Variants in VMP1 observed in about 807,000 individuals in gnomAD.
The protein encoded by VMP1 is vacuole membrane protein 1, also known as ectopic P-granules autophagy protein 3 homolog.
A neutral mutation model predicts 56.0 loss-of-function variants in VMP1; 11 were observed. That is an observed-to-expected ratio of 0.20 (90% CI 0.12 to 0.32). The LOEUF is 0.32. Ranked by LOEUF, VMP1 falls within the 10% of genes least tolerant of loss-of-function variation. The pLI, the probability that VMP1 is intolerant of heterozygous loss-of-function variation, is 1.00. For synonymous variants in VMP1, 149 were observed against 165.0 expected (o/e 0.90, Z 0.74); for missense variants, 296 against 490.3 (o/e 0.60, Z 3.74).
chr17:59,744,019 G>C (rs1453067770), intron 5 of VMP1, among the ~76,000 whole-genome samples: 2 of 151,730 alleles, frequency 1.3e-5, no homozygotes, highest in Non-Finnish European at 2.9e-5. Flanking sequence ...TATGATGTTA[G>C]CTGTAGGTTT....
At chr17:59,788,251 G>A (rs2037077154) in intron 7 of VMP1, among the ~76,000 whole-genome samples, 1 of 152,118 alleles carries the variant, frequency 6.6e-6, no homozygotes, top group East Asian at 1.9e-4. Context: ...CACTTTGGGA[G>A]GCTGAGGGGG....
At chr17:59,719,528 T>C (rs777477944) in intron 1 of VMP1, among the ~76,000 whole-genome samples, 1 of 152,114 alleles carries the variant, frequency 6.6e-6, no homozygotes, top group Non-Finnish European at 1.5e-5. Context: ...TATTTTGGGA[T>C]GATGTTGCCA....
intron 7 of VMP1, among the ~76,000 whole-genome samples, chr17:59,775,210 C>A (rs1047701916): frequency 2.0e-5 from 3 of 152,174 alleles, no homozygotes; most frequent in African/African-American, 7.2e-5. Flanking sequence ...TCCCAAAGTG[C>A]TGGGATTACA....
At chr17:59,769,964 T>G (rs1344215084) in intron 6 of VMP1, among the ~76,000 whole-genome samples, 1 of 152,218 alleles carries the variant, frequency 6.6e-6, no homozygotes, top group Non-Finnish European at 1.5e-5. Context: ...TAATGTGTTT[T>G]GGGACACCTG....
intron 1 of VMP1, among the ~76,000 whole-genome samples, chr17:59,719,536 C>T (rs563324117): frequency 6.6e-6 from 1 of 151,640 alleles, no homozygotes; most frequent in South Asian, 2.1e-4. Context: ...GATGATGTTG[C>T]CAAGAAAATG....
intron 10 of VMP1, among the ~76,000 whole-genome samples, chr17:59,834,739 C>T (rs1041289720): frequency 6.6e-6 from 1 of 151,900 alleles, no homozygotes; most frequent in African/African-American, 2.4e-5. Context: ...ATTCTCCCAT[C>T]TCAGCCTCTT....
intron 7 of VMP1, among the ~76,000 whole-genome samples, chr17:59,780,641 T>C (rs577869460): frequency 6.6e-6 from 1 of 152,262 alleles, no homozygotes; most frequent in Admixed American, 6.5e-5. Context: ...GGCTGGAATG[T>C]AGTGGCGCCA....
intron 1 of VMP1, among the ~76,000 whole-genome samples, chr17:59,720,837 A>G (rs567467613): frequency 1.6e-4 from 25 of 152,002 alleles, no homozygotes; most frequent in African/African-American, 6.0e-4. Context: ...GCCAGGTGTG[A>G]TGGCAGACGC....
rs1555623857 is a variant in VMP1, at chr17:59,801,080, G to GGAA, written c.715-7716_715-7715insGAA. On this transcript the variant is annotated intron_variant, in intron 7 of 11. Transcript: ENST00000262291. The stretch of plus-strand genomic sequence containing the variant: ...GGGCGACAGAGCAAGACTCCATCTC[G>GGAA]AAAAAAAAAAAATATATATATATAT... Among the ~76,000 whole-genome samples, 9 of 66,172 alleles carry GGAA rather than the reference G, an allele frequency of 1.4e-4. No individual in the cohort carries two copies. In the East Asian group the frequency reaches 3.5e-3, roughly 25 times the overall value. 43.4% of individuals were successfully genotyped at this position (66,172 alleles called of 152,430 possible).
intron 7 of VMP1, among the ~76,000 whole-genome samples, chr17:59,787,686 G>A (rs2037052605): frequency 6.6e-6 from 1 of 152,100 alleles, no homozygotes; most frequent in East Asian, 1.9e-4. Context: ...GTGGGGCATG[G>A]TGGCAGGTGC....
At chr17:59,739,197 C>T (rs1365529706) in intron 5 of VMP1, among the ~76,000 whole-genome samples, 2 of 152,100 alleles carry the variant, frequency 1.3e-5, no homozygotes, top group East Asian at 1.9e-4. Flanking sequence ...ATTAGTTTAG[C>T]GTGGAAGGTT....
In VMP1 at chr17:59,717,896, G is replaced by T. The variant is rs560659916; in HGVS notation, c.-27+10148G>T. Among the ~76,000 whole-genome samples the T allele has an allele frequency of 2.0e-5, 3 of 152,018 alleles. No individual in the cohort carries two copies. In the South Asian group the frequency reaches 6.2e-4, roughly 32 times the overall value. On this transcript the variant is annotated intron_variant, in intron 1 of 11. Coordinates refer to ENST00000262291, the MANE Select transcript of VMP1 (RefSeq NM_030938.5). ...GATGACACCACTACACTCCAGCCTGGATGACAGAGCAGAGCAAGACTTTGT... is the reference window on the plus strand; with the variant it reads ...GATGACACCACTACACTCCAGCCTGTATGACAGAGCAGAGCAAGACTTTGT...
At chr17:59,719,388 A>T (rs1039308049) in intron 1 of VMP1, among the ~76,000 whole-genome samples, 1 of 152,144 alleles carries the variant, frequency 6.6e-6, no homozygotes, top group African/African-American at 2.4e-5. Flanking sequence ...CATAATACTT[A>T]TTGGCTATCT....
chr17:59,780,267 A>G (rs2036771174), intron 7 of VMP1, among the ~76,000 whole-genome samples: 1 of 152,252 alleles, frequency 6.6e-6, no homozygotes, highest in African/African-American at 2.4e-5. Flanking sequence ...CAAAATGTAC[A>G]CACATACTGT....
intron 7 of VMP1, among the ~76,000 whole-genome samples, chr17:59,797,156 AC>A (rs35957291): frequency 0.34 from 47,933 of 141,192 alleles, 7,884 homozygotes; most frequent in East Asian, 0.5. Flanking sequence ...GCATGGTGAA[AC>A]CCCCCCCCCG....
rs182974861 is a variant in VMP1, at chr17:59,830,251, G to A, written c.975-8044G>A. ...CCAATTTTTAAATTTTTTGTAGAGA[G>A]GAGGTCTCACTATATTGCCCAGGCT... is the stretch of plus-strand genomic sequence containing the variant. On this transcript the variant is annotated intron_variant, in intron 10 of 11. Coordinates refer to ENST00000262291, the MANE Select transcript of VMP1 (RefSeq NM_030938.5). 1.8e-3 allele frequency among the ~76,000 whole-genome samples: 281 copies of A among 152,108 alleles called. 1 individual carries two copies. The highest frequency in any genetic ancestry group is 6.5e-3 in the African/African-American group (268 of 41,506).
At chr17:59,712,781 A>C (rs1362808613) in intron 1 of VMP1, among the ~76,000 whole-genome samples, 1 of 152,208 alleles carries the variant, frequency 6.6e-6, no homozygotes, top group Non-Finnish European at 1.5e-5. Context: ...TTTTGAGTGC[A>C]GTAGGAAATC....
At chr17:59,777,917 T>A (rs1419927050) in intron 7 of VMP1, among the ~76,000 whole-genome samples, 1 of 152,108 alleles carries the variant, frequency 6.6e-6, no homozygotes, top group Non-Finnish European at 1.5e-5. Flanking sequence ...TTTGGGGAAA[T>A]GTTCTTGTAT....
At chr17:59,716,085 A>G (rs2034141504) in intron 1 of VMP1, among the ~76,000 whole-genome samples, 2 of 151,992 alleles carry the variant, frequency 1.3e-5, no homozygotes, top group African/African-American at 4.8e-5. Flanking sequence ...TTCTTAGCTT[A>G]TTCATAAGTG....
Sources: allele counts gnomAD v4.1 joint callset (sites outside exome capture counted in the v4.1 genomes callset), GRCh38; gene constraint gnomAD v4.1.1; transcripts MANE v1.5; gene names NCBI Gene and HGNC (gene_info 2026-07-23, HGNC 2026-07-21).